The following GUCY1A1 variants were observed in gnomAD, a reference collection of about 807,000 sequenced individuals.
GUCY1A1 encodes guanylate cyclase 1 soluble subunit alpha 1, also known as guanylate cyclase soluble subunit alpha-1.
Under a neutral mutation model 64.5 loss-of-function variants are expected in GUCY1A1, and 48 were observed. The observed-to-expected ratio is 0.74, with a 90% CI of 0.59 to 0.95. The LOEUF is 0.95. Among genes scored for constraint, GUCY1A1 ranks in the 40% least tolerant of loss-of-function variants. GUCY1A1 has a pLI of 0.00. For missense variants in GUCY1A1, 804 were observed against 825.3 expected (o/e 0.97, Z 0.32); for synonymous variants, 308 against 303.4 (o/e 1.02, Z -0.16).
chr4:155,667,737 G>C (rs1464623712), intron 2 of GUCY1A1: 1 of 151,314 alleles, frequency 6.6e-6, no homozygotes, highest in African/African-American at 2.4e-5. Context: ...CGCGCGGGGC[G>C]CGCCGGGGCC....
In GUCY1A1 at chr4:155,731,278, C is replaced by G. The variant is rs1194448141; in HGVS notation, c.*1047C>G. On this transcript the variant is annotated 3_prime_UTR_variant, in exon 10 of 10. Coordinates refer to ENST00000506455, the MANE Select transcript of GUCY1A1 (RefSeq NM_001130682.3). ...CTAAGTATGGAAGTAGAAAATAAGA[C>G]TTGTTCTTTTGGTGGATATCTCATT... 6.6e-6 allele frequency: 1 copy of G among 151,822 alleles called. No homozygotes were observed. Among genetic ancestry groups the G allele is most frequent in the Non-Finnish European group, 1.5e-5 (1 of 67,834 alleles). 9.4% of individuals were successfully genotyped at this position (151,822 alleles called of 1,614,324 possible).
chr4:155,700,028 A>C (rs1366654999), intron 3 of GUCY1A1, among the ~76,000 whole-genome samples: 1 of 152,212 alleles, frequency 6.6e-6, no homozygotes, highest in African/African-American at 2.4e-5. Flanking sequence ...TGCTTAAAGC[A>C]AAAGATAACT....
rs1373726330 is a variant in GUCY1A1 at position 155,713,324 on chromosome 4, A to G, written c.1313A>G (p.Gln438Arg). 1 of 1,614,076 alleles carries G rather than the reference A, an allele frequency of 6.2e-7. No individual in the cohort carries two copies. The highest frequency in any genetic ancestry group is 8.5e-7 in the Non-Finnish European group (1 of 1,180,036). ...RLGKLKATLE[Q>R]AHQALEEEKK... ...GGGAAGCTGAAGGCTACCCTTGAGC[A>G]AGCCCACCAAGCCCTGGAGGAGGAG... Residue 438 changes from glutamine to arginine, a missense_variant, in exon 7 of 10, where the codon CAA becomes CGA. Transcript: ENST00000506455.
intron 9 of GUCY1A1, among the ~76,000 whole-genome samples, chr4:155,723,377 A>T (rs1734222302): frequency 1.3e-5 from 2 of 152,248 alleles, no homozygotes. Flanking sequence ...CCTTGACAAC[A>T]TGTAGTATAC....
At chr4:155,679,571 G>A (rs1290479692) in intron 2 of GUCY1A1, among the ~76,000 whole-genome samples, 1 of 152,162 alleles carries the variant, frequency 6.6e-6, no homozygotes, top group African/African-American at 2.4e-5. Context: ...GGAACTAGTA[G>A]AGCAAGAACT....
chr4:155,683,067 C>T (rs1425255657), intron 2 of GUCY1A1, among the ~76,000 whole-genome samples: 2 of 152,002 alleles, frequency 1.3e-5, no homozygotes, highest in African/African-American at 4.8e-5. Context: ...AGTATAGAAA[C>T]ATGGATGGTT....
At chr4:155,708,385 A>T in intron 5 of GUCY1A1, 91 bp downstream of exon 5, 2 of 718,482 alleles carry the variant, frequency 2.8e-6, no homozygotes, top group Admixed American at 2.1e-5. Flanking sequence ...TTTGTTGGTG[A>T]CTCCCAGTAT....
At chr4:155,690,968 G>C (rs1406015634) in intron 2 of GUCY1A1, among the ~76,000 whole-genome samples, 1 of 152,082 alleles carries the variant, frequency 6.6e-6, no homozygotes, top group African/African-American at 2.4e-5. Flanking sequence ...TGATGTAGAA[G>C]ACAATCCAGT....
intron 2 of GUCY1A1, among the ~76,000 whole-genome samples, chr4:155,680,920 G>GAC (rs1162211160): frequency 1.2e-3 from 56 of 48,620 alleles, no homozygotes; most frequent in African/African-American, 2.0e-3. Flanking sequence ...GGGTCGATTG[G>GAC]ATACACACAC....
At position 155,697,061 on chromosome 4, in the gene GUCY1A1, G is replaced by T; in HGVS notation, c.194G>T (p.Ser65Ile). 2 of 1,613,536 alleles carry T rather than the reference G, an allele frequency of 1.2e-6. No homozygotes were observed. The highest frequency in any genetic ancestry group is 1.7e-6 in the Non-Finnish European group (2 of 1,179,500). The part of the protein sequence containing the change: ...IQESLPQRKT[S>I]RSRVYLHTLA... ...GAAAGTCTTCCTCAAAGAAAAACCA[G>T]TCGGAGCCGAGTCTATCTTCACACT... Residue 65 changes from serine (S) to isoleucine (I), a missense_variant, in exon 3 of 10, where the codon AGT becomes ATT. Physicochemically the swap from Ser to Ile is moderately radical, Grantham distance 142. Coordinates refer to ENST00000506455, the MANE Select transcript of GUCY1A1 (RefSeq NM_001130682.3).
At chr4:155,673,042 T>C (rs1734357377) in intron 2 of GUCY1A1, among the ~76,000 whole-genome samples, 2 of 151,966 alleles carry the variant, frequency 1.3e-5, no homozygotes, top group Non-Finnish European at 2.9e-5. Flanking sequence ...TTTGTTCATG[T>C]ACTGTGATTT....
Position 155,713,416 on chromosome 4 carries a change from G to A in GUCY1A1, c.1405G>A (p.Gly469Arg), listed in dbSNP as rs1732842022. 8.1e-6 allele frequency: 13 copies of A among 1,614,164 alleles called. No homozygotes were observed. The highest frequency in any genetic ancestry group is 1.1e-5 in the Non-Finnish European group (13 of 1,180,030). Residue 469 changes from glycine (G) to arginine (R), a missense_variant, in exon 7 of 10, where the codon GGG becomes AGG. Physicochemically the swap from Gly to Arg is moderately radical, Grantham distance 125. Coordinates refer to ENST00000506455, the MANE Select transcript of GUCY1A1 (RefSeq NM_001130682.3). ...PCEVAQQLWQ[G>R]QVVQAKKFSN... is the part of the protein sequence containing the mutation. ...TGAGGTTGCTCAGCAGCTGTGGCAA[G>A]GGCAAGTTGTGCAAGCCAAGAAGTT...
At position 155,729,152 on chromosome 4, in the gene GUCY1A1, G is replaced by A. The variant is rs369365188; in HGVS notation, c.1872-878G>A. 4.0e-5 allele frequency among the ~76,000 whole-genome samples: 6 copies of A among 151,886 alleles called. No homozygotes were observed. The East Asian group carries it at 9.7e-4, about 25-fold the overall frequency. ...TAGACATGACATTACAGACTAGTGAGTAGAAGACCATGGTCTGTTTGGGTA... is the reference window on the plus strand; with the variant it reads ...TAGACATGACATTACAGACTAGTGAATAGAAGACCATGGTCTGTTTGGGTA... On this transcript the variant is annotated intron_variant, in intron 9 of 9. Coordinates refer to ENST00000506455, the MANE Select transcript of GUCY1A1 (RefSeq NM_001130682.3).
chr4:155,692,263 A>G lies in GUCY1A1; in HGVS notation c.-112-4493A>G, dbSNP rs190886584. The stretch of plus-strand genomic sequence containing the variant: ...AGTGTTCCAACAAACATACGTGTGC[A>G]TGTGTCTTTATAATAGAATGATTTA... On this transcript the variant is annotated intron_variant, in intron 2 of 9. Transcript: ENST00000506455. Among the ~76,000 whole-genome samples the G allele has an allele frequency of 2.3e-4, 35 of 152,260 alleles. No individual in the cohort carries two copies. In the East Asian group the frequency reaches 6.6e-3, roughly 29 times the overall value.
intron 5 of GUCY1A1, 82 bp from the exon 6 acceptor site, chr4:155,710,460 G>T (rs377559752): frequency 4.1e-5 from 35 of 846,468 alleles, no homozygotes; most frequent in Non-Finnish European, 5.9e-5. Context: ...AGCAAATAAC[G>T]CAAGTTGAAA....
chr4:155,685,940 A>G (rs1471076791), intron 2 of GUCY1A1, among the ~76,000 whole-genome samples: 1 of 152,166 alleles, frequency 6.6e-6, no homozygotes, highest in East Asian at 1.9e-4. Context: ...CTTCCCATCA[A>G]GGATGAATTG....
intron 4 of GUCY1A1, among the ~76,000 whole-genome samples, chr4:155,707,895 G>A (rs1432806512): frequency 6.7e-6 from 1 of 149,772 alleles, no homozygotes; most frequent in Non-Finnish European, 1.5e-5. Flanking sequence ...AGTGGTGGCT[G>A]ATCTCGGCTC....
At chr4:155,672,808 T>G (rs1486179688) in intron 2 of GUCY1A1, among the ~76,000 whole-genome samples, 1 of 152,204 alleles carries the variant, frequency 6.6e-6, no homozygotes, top group Non-Finnish European at 1.5e-5. Context: ...CACAATATTT[T>G]TAAAGATGAC....
At chr4:155,696,468 G>C (rs556000507) in intron 2 of GUCY1A1, among the ~76,000 whole-genome samples, 1 of 152,152 alleles carries the variant, frequency 6.6e-6, no homozygotes, top group Non-Finnish European at 1.5e-5. Context: ...GACCAGATGA[G>C]TGTAAAAAAT....
Sources: allele counts gnomAD v4.1 joint callset (sites outside exome capture counted in the v4.1 genomes callset), GRCh38; gene constraint gnomAD v4.1.1; transcripts MANE v1.5; gene names NCBI Gene and HGNC (gene_info 2026-07-23, HGNC 2026-07-21).